Variants in NCOA1 observed in about 807,000 individuals in gnomAD.
NCOA1 encodes nuclear receptor coactivator 1, also known as Hin-2 protein.
Under a neutral mutation model 150.9 loss-of-function variants are expected in NCOA1, and 35 were observed. The ratio of observed to expected loss-of-function variants is 0.23; its 90% CI spans 0.18 to 0.31. NCOA1 has a LOEUF of 0.31. NCOA1 is among the 10% of genes least tolerant of loss of function. The pLI is 1.00. For synonymous variants in NCOA1, 590 were observed against 630.0 expected (o/e 0.94, Z 0.95); for missense variants, 1,491 against 1,749.3 (o/e 0.85, Z 2.63).
At chr2:24,544,559 T>C (rs777508273) in intron 1 of NCOA1, among the ~76,000 whole-genome samples, 5 of 152,024 alleles carry the variant, frequency 3.3e-5, no homozygotes, top group Admixed American at 3.3e-4. Flanking sequence ...CTGGGCAACA[T>C]AGCAAAACCT....
At chr2:24,571,225 G>T (rs575542418) in intron 2 of NCOA1, among the ~76,000 whole-genome samples, 1 of 151,910 alleles carries the variant, frequency 6.6e-6, no homozygotes, top group South Asian at 2.1e-4. Flanking sequence ...AGTGCGTGAG[G>T]GGGTGGGAGT....
At chr2:24,744,862 C>T (rs1435418850) in intron 19 of NCOA1, among the ~76,000 whole-genome samples, 2 of 152,160 alleles carry the variant, frequency 1.3e-5, no homozygotes, top group African/African-American at 4.8e-5. Flanking sequence ...ACTTTATGGC[C>T]TACAAAACTG....
intron 20 of NCOA1, among the ~76,000 whole-genome samples, chr2:24,753,912 TCTAATA>T (rs1168419254): frequency 6.6e-6 from 1 of 152,192 alleles, no homozygotes; most frequent in Non-Finnish European, 1.5e-5. Flanking sequence ...CACTTATAAG[TCTAATA>T]GGCATCTCAA....
intron 3 of NCOA1, among the ~76,000 whole-genome samples, chr2:24,608,562 T>G (rs989008037): frequency 6.6e-6 from 1 of 151,838 alleles, no homozygotes; most frequent in Non-Finnish European, 1.5e-5. Flanking sequence ...CCACCATGCC[T>G]GGCCAGTTCT....
rs776781109 is a variant in NCOA1 at position 24,705,122 on chromosome 2, G to C, written c.986G>C (p.Arg329Thr). ...TRGTASSPSY[R>T]FILNDGTMLS... ...GGCACTGCCTCCAGCCCCTCCTATA[G>C]ATTCATATTGAATGATGGGACAATG... Residue 329 changes from arginine to threonine, a missense_variant, in exon 12 of 23, where the codon AGA (arginine) becomes ACA (threonine). Arg to Thr is a moderately conservative substitution (Grantham distance 71). Coordinates refer to ENST00000348332, the MANE Select transcript of NCOA1 (RefSeq NM_003743.5). 4 of 1,614,088 alleles carry C rather than the reference G, an allele frequency of 2.5e-6. No individual in the cohort carries two copies. The highest frequency in any genetic ancestry group is 3.4e-6 in the Non-Finnish European group (4 of 1,179,966).
intron 4 of NCOA1, among the ~76,000 whole-genome samples, chr2:24,651,536 T>C (rs1293777078): frequency 6.6e-6 from 1 of 152,038 alleles, no homozygotes; most frequent in Non-Finnish European, 1.5e-5. Context: ...AATAAAACAT[T>C]GCCATAGTGG....
intron 1 of NCOA1, among the ~76,000 whole-genome samples, chr2:24,510,603 C>T (rs1195436978): frequency 2.0e-5 from 3 of 152,112 alleles, no homozygotes; most frequent in African/African-American, 4.8e-5. Context: ...TCAGCCTCTT[C>T]GTAATCCCAG....
intron 8 of NCOA1, among the ~76,000 whole-genome samples, chr2:24,686,119 A>G (rs1297696527): frequency 6.6e-6 from 1 of 152,156 alleles, no homozygotes. Flanking sequence ...TTCCTGCCTC[A>G]GCCTCCTGAG....
chr2:24,557,997 C>G (rs1666141408), intron 1 of NCOA1, among the ~76,000 whole-genome samples: 2 of 150,494 alleles, frequency 1.3e-5, no homozygotes, highest in African/African-American at 4.9e-5. Flanking sequence ...GTTCATTTTC[C>G]CAAAATGAAC....
At chr2:24,737,480 C>G (rs1338000973) in intron 17 of NCOA1, among the ~76,000 whole-genome samples, 1 of 152,190 alleles carries the variant, frequency 6.6e-6, no homozygotes, top group Non-Finnish European at 1.5e-5. Flanking sequence ...CTACCCATTT[C>G]ATTTGTACAT....
intron 3 of NCOA1, among the ~76,000 whole-genome samples, chr2:24,633,800 A>G (rs559017754): frequency 6.6e-6 from 1 of 152,352 alleles, no homozygotes; most frequent in African/African-American, 2.4e-5. Flanking sequence ...AGTTGGACAT[A>G]TGCAAATATT....
intron 2 of NCOA1, among the ~76,000 whole-genome samples, chr2:24,582,979 T>G (rs554040781): frequency 5.1e-4 from 77 of 152,260 alleles, no homozygotes; most frequent in African/African-American, 1.8e-3. Context: ...ATGTAAAATC[T>G]GAAATGCTTC....
chr2:24,677,924 G>C (rs1671993528), intron 7 of NCOA1, among the ~76,000 whole-genome samples: 2 of 152,012 alleles, frequency 1.3e-5, no homozygotes, highest in Non-Finnish European at 2.9e-5. Flanking sequence ...GGATGTGCAG[G>C]TTTGTTACAT....
At chr2:24,689,712 G>A (rs1000196607) in intron 8 of NCOA1, among the ~76,000 whole-genome samples, 8 of 152,156 alleles carry the variant, frequency 5.3e-5, no homozygotes, top group Non-Finnish European at 7.4e-5. Flanking sequence ...TTTTATCATA[G>A]GGTCTATTTA....
chr2:24,691,338 A>T (rs561164604), intron 8 of NCOA1, 143 bp from the exon 9 acceptor site: 2 of 654,350 alleles, frequency 3.1e-6, no homozygotes, highest in Admixed American at 2.6e-5. Context: ...TTGCCTCAGG[A>T]TAATGTTAGA....
chr2:24,529,525 T>C (rs1002215179), intron 1 of NCOA1, among the ~76,000 whole-genome samples: 2 of 152,064 alleles, frequency 1.3e-5, no homozygotes, highest in Non-Finnish European at 2.9e-5. Context: ...TTTGTTGATA[T>C]AAGGTATTGC....
chr2:24,706,532 G>C, intron 12 of NCOA1, 36 bp from the exon 13 acceptor site: 1 of 1,535,904 alleles, frequency 6.5e-7, no homozygotes, highest in African/African-American at 1.4e-5. Flanking sequence ...AGAAACAAAT[G>C]AAGATGTTTG....
intron 1 of NCOA1, among the ~76,000 whole-genome samples, chr2:24,524,601 C>T (rs1664572379): frequency 6.6e-6 from 1 of 151,734 alleles, no homozygotes; most frequent in Admixed American, 6.6e-5. Context: ...TCCCCTACTT[C>T]TTGTATGTAT....
intron 3 of NCOA1, among the ~76,000 whole-genome samples, chr2:24,609,611 A>G (rs983637326): frequency 2.0e-5 from 3 of 152,206 alleles, no homozygotes; most frequent in African/African-American, 4.8e-5. Context: ...AGCCTGGGTA[A>G]CATAGCGAGA....
Sources: gnomAD v4.1 joint callset for allele counts (sites outside exome capture counted in the v4.1 genomes callset) on GRCh38, gnomAD v4.1.1 for gene constraint, MANE v1.5 for transcripts, NCBI Gene and HGNC (gene_info 2026-07-23, HGNC 2026-07-21) for gene names.